Variants in THSD7A observed in about 807,000 individuals in gnomAD.
THSD7A encodes thrombospondin type-1 domain-containing protein 7A.
In THSD7A, 96 loss-of-function variants were observed where a neutral mutation model predicts 231.3. That is an observed-to-expected ratio of 0.41 (90% CI 0.35 to 0.49). The LOEUF is 0.49. Among genes scored for constraint, THSD7A ranks in the 20% least tolerant of loss-of-function variants. The probability of loss-of-function intolerance (pLI) is 0.05; values close to 1 mark genes in which losing one functional copy is unlikely to be tolerated. For missense variants in THSD7A, 2,290 were observed against 2,070.2 expected, an observed-to-expected ratio of 1.11 and a Z score of -2.06; for synonymous variants, 940 against 743.3, an observed-to-expected ratio of 1.26 and a Z score of -4.30.
intron 1 of THSD7A, among the ~76,000 whole-genome samples, chr7:11,683,355 G>C (rs1372851302): frequency 1.3e-5 from 2 of 151,682 alleles, no homozygotes; most frequent in Non-Finnish European, 2.9e-5. Context: ...CCCAAAGCTA[G>C]CAGAAAAGAA....
At chr7:11,770,907 T>C (rs772990828) in intron 1 of THSD7A, among the ~76,000 whole-genome samples, 3 of 151,888 alleles carry the variant, frequency 2.0e-5, no homozygotes, top group Non-Finnish European at 4.4e-5. Flanking sequence ...ATAATAGTTA[T>C]ATGTGAAATG....
chr7:11,714,400 A>C (rs919882933), intron 1 of THSD7A, among the ~76,000 whole-genome samples: 5 of 151,164 alleles, frequency 3.3e-5, no homozygotes, highest in Non-Finnish European at 1.5e-5. Flanking sequence ...GTATTTTGTC[A>C]ATTAATCTTT....
chr7:11,503,320 A>T (rs6979991), intron 6 of THSD7A, among the ~76,000 whole-genome samples: 3,880 of 152,232 alleles, frequency 0.025, 179 homozygotes, highest in African/African-American at 0.089. Context: ...CTCAACATGG[A>T]TAAAGACTTA....
chr7:11,390,076 T>G (rs556655808), intron 23 of THSD7A, among the ~76,000 whole-genome samples: 124 of 149,986 alleles, frequency 8.3e-4, no homozygotes, highest in Middle Eastern at 3.4e-3. Flanking sequence ...TTTGTGAATC[T>G]GATGATTATG....
At chr7:11,641,920 C>G (rs1419707120) in intron 1 of THSD7A, among the ~76,000 whole-genome samples, 1 of 152,022 alleles carries the variant, frequency 6.6e-6, no homozygotes, top group African/African-American at 2.4e-5. Context: ...GAAGGGCTGT[C>G]TACTTCTTCC....
intron 23 of THSD7A, among the ~76,000 whole-genome samples, chr7:11,395,289 G>A (rs1357680220): frequency 1.3e-5 from 2 of 152,128 alleles, no homozygotes; most frequent in African/African-American, 4.8e-5. Flanking sequence ...AAATATAGAT[G>A]CACCCAATGC....
chr7:11,376,699 G>T, intron 26 of THSD7A, 42 bp from the exon 27 acceptor site: 4 of 1,431,450 alleles, frequency 2.8e-6, no homozygotes, highest in Non-Finnish European at 2.9e-6. Flanking sequence ...CATTAGTCTG[G>T]TATACATGAG....
chr7:11,575,993 G>T (rs549147835), intron 4 of THSD7A, among the ~76,000 whole-genome samples: 24 of 152,182 alleles, frequency 1.6e-4, no homozygotes, highest in African/African-American at 5.5e-4. Flanking sequence ...ATTTACAACT[G>T]GTTTCTGTTG....
At chr7:11,533,846 G>A (rs1277400987) in intron 6 of THSD7A, among the ~76,000 whole-genome samples, 1 of 152,144 alleles carries the variant, frequency 6.6e-6, no homozygotes, top group Non-Finnish European at 1.5e-5. Flanking sequence ...GTATACTTAT[G>A]TAACAAACCT....
At chr7:11,638,817 T>G (rs1413285087) in intron 1 of THSD7A, among the ~76,000 whole-genome samples, 1 of 152,172 alleles carries the variant, frequency 6.6e-6, no homozygotes, top group Non-Finnish European at 1.5e-5. Context: ...GCAATCCACC[T>G]AATAATATTT....
intron 1 of THSD7A, among the ~76,000 whole-genome samples, chr7:11,715,685 T>G (rs1781113092): frequency 2.0e-5 from 3 of 151,470 alleles, no homozygotes; most frequent in Admixed American, 6.6e-5. Flanking sequence ...TACAGCGTTA[T>G]TTGAATTAGA....
At chr7:11,786,544 A>C (rs879563063) in intron 1 of THSD7A, among the ~76,000 whole-genome samples, 1 of 151,764 alleles carries the variant, frequency 6.6e-6, no homozygotes, top group African/African-American at 2.4e-5. Flanking sequence ...TTTGATATAC[A>C]GAAAAGATAT....
At position 11,796,113 on chromosome 7, in the gene THSD7A, C is replaced by G. The variant is rs371688135; in HGVS notation, c.190+35644G>C. Among the ~76,000 whole-genome samples the G allele has an allele frequency of 2.2e-5, 3 of 138,226 alleles. No individual in the cohort carries two copies. The South Asian group carries it at 6.9e-4, about 32-fold the overall frequency. The allele number at this position is 138,226 out of a possible 152,430, so 90.7% of individuals were successfully genotyped here. A position where few individuals can be genotyped will look rare whatever the true frequency, so the allele number is the denominator to read the frequency against. ...AATGATCTATACTACAAAAGTGTAA[C>G]GATGTAGACACTTAGGAAGCATTGA... On this transcript the variant is annotated intron_variant, in intron 1 of 27. Transcript: ENST00000423059.
intron 6 of THSD7A, among the ~76,000 whole-genome samples, chr7:11,503,615 A>G (rs1286224712): frequency 2.6e-5 from 4 of 152,180 alleles, no homozygotes; most frequent in Non-Finnish European, 1.5e-5. Flanking sequence ...TTTACACAAG[A>G]AAAACAAACG....
chr7:11,436,241 A>AGAT (rs1363845475), intron 13 of THSD7A, among the ~76,000 whole-genome samples: 1 of 152,112 alleles, frequency 6.6e-6, no homozygotes, highest in Non-Finnish European at 1.5e-5. Context: ...AAGTAATGGA[A>AGAT]GATGTATTAA....
intron 1 of THSD7A, among the ~76,000 whole-genome samples, chr7:11,643,598 C>CGT (rs1491060113): frequency 5.7e-4 from 17 of 29,766 alleles, no homozygotes; most frequent in African/African-American, 2.1e-3. Flanking sequence ...ACCACACGCA[C>CGT]GCGCGCACAC....
intron 4 of THSD7A, among the ~76,000 whole-genome samples, chr7:11,556,692 G>C (rs1245160344): frequency 6.6e-6 from 1 of 151,812 alleles, no homozygotes; most frequent in African/African-American, 2.4e-5. Flanking sequence ...CCTTCATTAA[G>C]AATGTCATTA....
At chr7:11,657,414 T>C (rs1353345832) in intron 1 of THSD7A, among the ~76,000 whole-genome samples, 1 of 151,516 alleles carries the variant, frequency 6.6e-6, no homozygotes, top group Non-Finnish European at 1.5e-5. Flanking sequence ...AGCATAGACA[T>C]GGGAAAGAAA....
intron 1 of THSD7A, among the ~76,000 whole-genome samples, chr7:11,788,746 C>T (rs148084742): frequency 2.7e-4 from 41 of 151,996 alleles, no homozygotes; most frequent in African/African-American, 9.6e-4. Context: ...GTTTTTAAAT[C>T]TGTGACTCGA....
Sources: allele counts gnomAD v4.1 joint callset (sites outside exome capture counted in the v4.1 genomes callset), GRCh38; gene constraint gnomAD v4.1.1; transcripts MANE v1.5; gene names NCBI Gene and HGNC (gene_info 2026-07-23, HGNC 2026-07-21).